Variants in ARSG observed in about 807,000 individuals in gnomAD.
The protein encoded by ARSG is arylsulfatase G, also known as ASG.
A neutral mutation model predicts 50.5 loss-of-function variants in ARSG; 37 were observed. The ratio of observed to expected loss-of-function variants is 0.73; its 90% CI spans 0.56 to 0.96. The LOEUF (loss-of-function observed/expected upper bound fraction) is 0.96, where lower values mean the gene tolerates loss of function less well. ARSG is among the 50% of genes least tolerant of loss of function. ARSG has a pLI of 0.00. For missense variants in ARSG, 629 were observed against 675.3 expected, an observed-to-expected ratio of 0.93 and a Z score of 0.76; for synonymous variants, 225 against 254.6, an observed-to-expected ratio of 0.88 and a Z score of 1.11.
intron 1 of ARSG, chr17:68,273,898 C>T (rs782428728): frequency 8.1e-6 from 13 of 1,609,562 alleles, no homozygotes; most frequent in African/African-American, 5.3e-5. Flanking sequence ...AGTGTCTAGA[C>T]AACTTCTGAG....
At chr17:68,279,597 A>C (rs2075629522) in intron 1 of ARSG, among the ~76,000 whole-genome samples, 1 of 152,198 alleles carries the variant, frequency 6.6e-6, no homozygotes, top group Admixed American at 6.6e-5. Context: ...ACACCAGTTA[A>C]CTGAGTTACC....
At chr17:68,421,595 C>T (rs1665030424), downstream of ARSG, 1 of 773,078 alleles carries the variant, frequency 1.3e-6, no homozygotes, top group Non-Finnish European at 2.2e-6. Flanking sequence ...CATTGGCAAC[C>T]AGGGTCGTGG....
chr17:68,397,953 G>T (rs1445405994), intron 10 of ARSG, among the ~76,000 whole-genome samples: 1 of 152,130 alleles, frequency 6.6e-6, no homozygotes, highest in Non-Finnish European at 1.5e-5. Flanking sequence ...TTTTAGTAGA[G>T]ACAGGGTTTC....
intron 1 of ARSG, chr17:68,273,944 G>T: frequency 6.2e-7 from 1 of 1,614,160 alleles, no homozygotes; most frequent in Non-Finnish European, 8.5e-7. Flanking sequence ...GATGCCGATG[G>T]CGACGTACAT....
intron 8 of ARSG, among the ~76,000 whole-genome samples, chr17:68,376,371 G>T (rs1269292599): frequency 6.7e-6 from 1 of 150,342 alleles, no homozygotes; most frequent in African/African-American, 2.5e-5. Flanking sequence ...CAACCTCCTG[G>T]ATTCAAGCAA....
the ARSG span, chr17:68,435,746 T>C: frequency 6.3e-7 from 1 of 1,596,970 alleles, no homozygotes; most frequent in South Asian, 1.1e-5. Flanking sequence ...ATACAGATGC[T>C]GCGGAGGAGG....
At chr17:68,299,373 G>A (rs1339725460) in intron 1 of ARSG, among the ~76,000 whole-genome samples, 1 of 151,944 alleles carries the variant, frequency 6.6e-6, no homozygotes, top group Non-Finnish European at 1.5e-5. Flanking sequence ...CCAAAGTGCT[G>A]GGATTACAGG....
rs1259502654 is a variant in ARSG, at chr17:68,301,073, G to A, written c.-551-5870G>A. On this transcript the variant is annotated intron_variant, in intron 1 of 11. Coordinates refer to ENST00000621439, the MANE Select transcript of ARSG (RefSeq NM_001267727.2). ...GCGGAGCTTGCAGTGAGCCGAGATC[G>A]CACCACTGCACTCCAGCCTGGGTGA... 4.0e-5 allele frequency among the ~76,000 whole-genome samples: 6 copies of A among 149,982 alleles called. No homozygotes were observed. The South Asian group carries it at 6.3e-4, about 16-fold the overall frequency.
rs140056144 is a variant in ARSG at position 68,273,859 on chromosome 17, C to G, written c.-552+14433C>G. 1.1e-5 allele frequency: 17 copies of G among 1,545,090 alleles called. No homozygotes were observed. In the South Asian group the frequency reaches 2.0e-4, roughly 18 times the overall value. On this transcript the variant is annotated intron_variant, in intron 1 of 11. Transcript: ENST00000448504. ...AGAAATATAGTTTGGCTTTAATTTC[C>G]TCCTTCCCCTTCCTTGTTCTTCAAA...
intron 11 of ARSG, 133 bp downstream of exon 11, chr17:68,401,583 C>G (rs1022975108): frequency 1.4e-6 from 1 of 731,114 alleles, no homozygotes; most frequent in Non-Finnish European, 2.2e-6. Context: ...TCTTGACAAG[C>G]GTCTCCTCCA....
chr17:68,303,199 G>A (rs1040504655), intron 1 of ARSG, among the ~76,000 whole-genome samples: 4 of 152,050 alleles, frequency 2.6e-5, no homozygotes, highest in African/African-American at 7.2e-5. Context: ...ATCATAGCTC[G>A]CCACAGCCTT....
chr17:68,342,611 C>T lies in ARSG; in HGVS notation c.219-993C>T, dbSNP rs113261654. Among the ~76,000 whole-genome samples, 322 of 152,172 alleles carry T rather than the reference C, an allele frequency of 2.1e-3. 2 individuals carry two copies. The highest frequency in any genetic ancestry group is 3.8e-3 in the Non-Finnish European group (257 of 68,008). On this transcript the variant is annotated intron_variant, in intron 2 of 11. Coordinates refer to ENST00000621439, the MANE Select transcript of ARSG (RefSeq NM_001267727.2). ...CTGACCTCAAGTGATCCACCTGCCTCGGCCTCCCAAAGTGTTGGGATTACA... is the reference window on the plus strand; with the variant it reads ...CTGACCTCAAGTGATCCACCTGCCTTGGCCTCCCAAAGTGTTGGGATTACA...
the ARSG span, chr17:68,434,477 C>A: frequency 6.8e-7 from 1 of 1,472,776 alleles, no homozygotes; most frequent in South Asian, 1.2e-5. Flanking sequence ...CACTCTCTGT[C>A]CTCTCCCTAG....
intron 2 of ARSG, among the ~76,000 whole-genome samples, chr17:68,333,365 C>G (rs544003812): frequency 6.6e-6 from 1 of 151,626 alleles, no homozygotes; most frequent in South Asian, 2.1e-4. Flanking sequence ...TGGTGGCTCA[C>G]GCCTGTAATC....
intron 1 of ARSG, among the ~76,000 whole-genome samples, chr17:68,283,647 G>A (rs1292359409): frequency 2.0e-5 from 3 of 151,746 alleles, no homozygotes; most frequent in South Asian, 2.1e-4. Flanking sequence ...ATGGAGAAAC[G>A]CTGTCTCTAC....
chr17:68,322,478 A>C (rs561278677), intron 2 of ARSG, among the ~76,000 whole-genome samples: 1 of 152,050 alleles, frequency 6.6e-6, no homozygotes, highest in Admixed American at 6.6e-5. Flanking sequence ...TTAGCTGGGC[A>C]TGGTGTTGCG....
chr17:68,298,454 G>A (rs1555759420), intron 1 of ARSG, among the ~76,000 whole-genome samples: 1 of 151,934 alleles, frequency 6.6e-6, no homozygotes, highest in Non-Finnish European at 1.5e-5. Flanking sequence ...AATTAGCTGG[G>A]CATGGTGGTG....
chr17:68,390,767 G>C (rs1238598187), intron 9 of ARSG, among the ~76,000 whole-genome samples: 7 of 152,000 alleles, frequency 4.6e-5, no homozygotes, highest in African/African-American at 1.7e-4. Flanking sequence ...GGGATTACAG[G>C]TGCCTGCCAC....
At chr17:68,395,668 G>C (rs1826316041) in intron 10 of ARSG, among the ~76,000 whole-genome samples, 1 of 152,114 alleles carries the variant, frequency 6.6e-6, no homozygotes, top group South Asian at 2.1e-4. Flanking sequence ...CCCTATAATG[G>C]GCAATTTCTT....
Sources: allele counts gnomAD v4.1 joint callset (sites outside exome capture counted in the v4.1 genomes callset), GRCh38; gene constraint gnomAD v4.1.1; transcripts MANE v1.5; gene names NCBI Gene and HGNC (gene_info 2026-07-23, HGNC 2026-07-21).